The following MAP2 variants were observed in gnomAD, a reference collection of about 807,000 sequenced individuals.
The protein encoded by MAP2 is microtubule-associated protein 2.
Under a neutral mutation model 137.6 loss-of-function variants are expected in MAP2, and 14 were observed. That is an observed-to-expected ratio of 0.10 (90% confidence interval 0.07 to 0.16). The LOEUF (loss-of-function observed/expected upper bound fraction) is 0.16, where lower values mean the gene tolerates loss of function less well. MAP2 is among the 10% of genes least tolerant of loss of function. The pLI, the probability that MAP2 is intolerant of heterozygous loss-of-function variation, is 1.00. For synonymous variants in MAP2, 786 were observed against 782.3 expected (o/e 1.00, Z -0.08); for missense variants, 2,088 against 2,191.5 (o/e 0.95, Z 0.94).
At chr2:209,515,532 C>T (rs2062362675) in intron 2 of MAP2, among the ~76,000 whole-genome samples, 1 of 152,014 alleles carries the variant, frequency 6.6e-6, no homozygotes, top group African/African-American at 2.4e-5. Flanking sequence ...GATGAAGTGC[C>T]TCACTTTAAA....
intron 1 of MAP2, among the ~76,000 whole-genome samples, chr2:209,485,360 A>G (rs2058248067): frequency 6.6e-6 from 1 of 152,264 alleles, no homozygotes; most frequent in Non-Finnish European, 1.5e-5. Flanking sequence ...GAGGTGGATT[A>G]TAAGCCCCAC....
chr2:209,716,971 G>C (rs958199472), intron 13 of MAP2, among the ~76,000 whole-genome samples: 1 of 151,100 alleles, frequency 6.6e-6, no homozygotes, highest in African/African-American at 2.5e-5. Flanking sequence ...TAAAAGAGCA[G>C]GTTTCTGAAA....
intron 1 of MAP2, among the ~76,000 whole-genome samples, chr2:209,471,631 T>TTCCCA (rs1457138021): frequency 1.3e-5 from 2 of 151,750 alleles, no homozygotes; most frequent in Non-Finnish European, 2.9e-5. Context: ...TTTTCTCATG[T>TTCCCA]TCCCAACCCC....
intron 4 of MAP2, among the ~76,000 whole-genome samples, chr2:209,641,931 T>C (rs1462779659): frequency 6.6e-6 from 1 of 152,136 alleles, no homozygotes; most frequent in Non-Finnish European, 1.5e-5. Flanking sequence ...AAGTTAGTGT[T>C]GTTATCTGGA....
intron 1 of MAP2, among the ~76,000 whole-genome samples, chr2:209,465,843 C>G (rs1240789435): frequency 6.6e-6 from 1 of 152,102 alleles, no homozygotes; most frequent in East Asian, 1.9e-4. Context: ...ATAGATATAT[C>G]AATGGGCTGT....
At chr2:209,670,527 A>G (rs2048351333) in intron 5 of MAP2, among the ~76,000 whole-genome samples, 1 of 151,902 alleles carries the variant, frequency 6.6e-6, no homozygotes, top group Non-Finnish European at 1.5e-5. Context: ...CCTTTCACTG[A>G]TAATAGTATT....
chr2:209,639,490 A>G (rs1473985411), intron 4 of MAP2, among the ~76,000 whole-genome samples: 1 of 152,118 alleles, frequency 6.6e-6, no homozygotes, highest in African/African-American at 2.4e-5. Context: ...CTTTCAAACA[A>G]CTGTCTCTGA....
At chr2:209,554,230 C>T (rs2069936315) in intron 2 of MAP2, among the ~76,000 whole-genome samples, 1 of 152,158 alleles carries the variant, frequency 6.6e-6, no homozygotes, top group African/African-American at 2.4e-5. Context: ...AAACTCTCCC[C>T]ACCAGATCCT....
chr2:209,433,770 T>C (rs1694965324), intron 1 of MAP2, among the ~76,000 whole-genome samples: 2 of 151,722 alleles, frequency 1.3e-5, no homozygotes, highest in Non-Finnish European at 2.9e-5. Flanking sequence ...ACTGTGTCAT[T>C]TTTTTTTGGC....
chr2:209,564,315 G>A (rs747453564), intron 2 of MAP2, among the ~76,000 whole-genome samples: 3 of 152,060 alleles, frequency 2.0e-5, no homozygotes, highest in East Asian at 1.9e-4. Context: ...GGAACTCCCT[G>A]TTGGTTTTGT....
chr2:209,588,063 C>T (rs2078223754), intron 3 of MAP2, among the ~76,000 whole-genome samples: 1 of 152,160 alleles, frequency 6.6e-6, no homozygotes, highest in South Asian at 2.1e-4. Context: ...AGAAGATACT[C>T]TAGATGCACA....
At position 209,719,813 on chromosome 2, in the gene MAP2, C is replaced by T. The variant is rs116235983; in HGVS notation, c.5074-5896C>T. 9.3e-3 allele frequency among the ~76,000 whole-genome samples: 1,416 copies of T among 152,150 alleles called. 22 individuals carry two copies. Among genetic ancestry groups the T allele is most frequent in the African/African-American group, 0.033 (1,358 of 41,496 alleles). On this transcript the variant is annotated intron_variant, in intron 13 of 15. Coordinates refer to ENST00000682079, the MANE Select transcript of MAP2 (RefSeq NM_001375505.1). ...TAATGAATTTTTTAATGTCATTAAC[C>T]TATGCTTATACAACTCTTCATGCTA...
chr2:209,694,742 G>A lies in MAP2; in HGVS notation c.2572G>A (p.Val858Ile). 1 of 1,614,152 alleles carries A rather than the reference G, an allele frequency of 6.2e-7. No homozygotes were observed. Among genetic ancestry groups the A allele is most frequent in the Non-Finnish European group, 8.5e-7 (1 of 1,180,008 alleles). Residue 858 changes from valine to isoleucine, a missense_variant, in exon 8 of 16, where the codon GTA becomes ATA. By Grantham distance (29) the Val-to-Ile change is conservative (BLOSUM62 3). Transcript: ENST00000682079. ...PPVTDENHVI[V>I]KTDSQLEDLG... ...GGTAACTGATGAAAACCATGTCATTGTAAAAACGGACAGTCAGCTCGAAGA... is the reference window on the plus strand; with the variant it reads ...GGTAACTGATGAAAACCATGTCATTATAAAAACGGACAGTCAGCTCGAAGA...
At chr2:209,712,596 A>C (rs1007487452) in intron 13 of MAP2, among the ~76,000 whole-genome samples, 1 of 152,160 alleles carries the variant, frequency 6.6e-6, no homozygotes, top group Non-Finnish European at 1.5e-5. Flanking sequence ...GTATAAATTC[A>C]CTTAAAGGGT....
chr2:209,497,206 T>G (rs1000860897), intron 1 of MAP2, among the ~76,000 whole-genome samples: 1 of 152,162 alleles, frequency 6.6e-6, no homozygotes. Context: ...TAGCAGGTAA[T>G]TAAGGTTAAA....
chr2:209,556,528 A>G (rs1360594449), intron 2 of MAP2, among the ~76,000 whole-genome samples: 2 of 152,210 alleles, frequency 1.3e-5, no homozygotes, highest in African/African-American at 4.8e-5. Context: ...TGTCTGGCAC[A>G]TAGTAAGTGC....
Position 209,732,528 on chromosome 2 carries a change from T to C in MAP2, c.*2131T>C, listed in dbSNP as rs1584870604. On this transcript the variant is annotated 3_prime_UTR_variant, in exon 16 of 16. Coordinates refer to ENST00000682079, the MANE Select transcript of MAP2 (RefSeq NM_001375505.1). Reference sequence around the variant, plus strand: ...TGGGCAATTTATTCATCAGCTTCCCTTGAAGTGCACCAGAAAATAGAAGAA... The same window carrying C: ...TGGGCAATTTATTCATCAGCTTCCCCTGAAGTGCACCAGAAAATAGAAGAA... The C allele has an allele frequency of 1.3e-5, 2 of 152,240 alleles. No individual in the cohort carries two copies. The highest frequency in any genetic ancestry group is 3.9e-4 in the East Asian group (2 of 5,192). 9.4% of individuals were successfully genotyped at this position (152,240 alleles called of 1,614,324 possible).
At chr2:209,565,710 T>C (rs549475500) in intron 2 of MAP2, among the ~76,000 whole-genome samples, 2 of 152,330 alleles carry the variant, frequency 1.3e-5, no homozygotes, top group East Asian at 3.9e-4. Flanking sequence ...TTAACTAACC[T>C]AAGTTCCTAA....
At chr2:209,531,197 A>G (rs2065058635) in intron 2 of MAP2, among the ~76,000 whole-genome samples, 1 of 152,218 alleles carries the variant, frequency 6.6e-6, no homozygotes, top group South Asian at 2.1e-4. Context: ...AAAGAAAGAG[A>G]AAAAGAAATG....
Sources: gnomAD v4.1 joint callset for allele counts (sites outside exome capture counted in the v4.1 genomes callset) on GRCh38, gnomAD v4.1.1 for gene constraint, MANE v1.5 for transcripts, NCBI Gene and HGNC (gene_info 2026-07-23, HGNC 2026-07-21) for gene names.